Variants in PCDHGB3 observed in about 807,000 individuals in gnomAD.
PCDHGB3 encodes protocadherin gamma-B3.
Under a neutral mutation model 59.2 loss-of-function variants are expected in PCDHGB3, and 40 were observed. The observed-to-expected ratio is 0.68, with a 90% CI of 0.52 to 0.88. The LOEUF (loss-of-function observed/expected upper bound fraction) is 0.88. Among genes scored for constraint, PCDHGB3 ranks in the 40% least tolerant of loss-of-function variants. PCDHGB3 has a pLI of 0.00. For missense variants in PCDHGB3, 1,309 were observed against 1,187.9 expected (o/e 1.10, Z -1.50); for synonymous variants, 581 against 503.6 (o/e 1.15, Z -2.06).
intron 1 of PCDHGB3, chr5:141,419,684 G>A (rs1286646418): frequency 5.4e-5 from 87 of 1,612,770 alleles, no homozygotes; most frequent in Non-Finnish European, 7.3e-5. Flanking sequence ...CTACCACGTG[G>A]TGCAGGCCAG....
chr5:141,382,744 A>G (rs767790688), intron 1 of PCDHGB3: 6 of 592,898 alleles, frequency 1.0e-5, no homozygotes, highest in Non-Finnish European at 1.7e-5. Context: ...GAAACGACAG[A>G]TTGCGATAAG....
At chr5:141,384,942 C>T (rs769507654) in intron 1 of PCDHGB3, 10 of 1,613,874 alleles carry the variant, frequency 6.2e-6, no homozygotes, top group African/African-American at 2.7e-5. Flanking sequence ...TTGAGCCCTC[C>T]GACGGTCCTT....
At chr5:141,423,702 C>T in intron 1 of PCDHGB3, 4 of 1,340,970 alleles carry the variant, frequency 3.0e-6, no homozygotes, top group South Asian at 1.6e-5. Flanking sequence ...GGTGTCTTGG[C>T]ACAAGTCTTT....
rs183531575 is a variant in PCDHGB3 at position 141,469,308 on chromosome 5, G to A, written c.2416-25499G>A. Among the ~76,000 whole-genome samples the A allele has an allele frequency of 2.5e-3, 379 of 152,184 alleles. 1 individual carries two copies. The highest frequency in any genetic ancestry group is 5.8e-3 in the South Asian group (28 of 4,814). On this transcript the variant is annotated intron_variant, in intron 1 of 3. Transcript: ENST00000576222. ...TAAAACAAAATAGACTGGGCACGAT[G>A]GCTCACGCCTGTAATCCCACCACTT...
intron 1 of PCDHGB3, among the ~76,000 whole-genome samples, chr5:141,475,625 G>C (rs1172186188): frequency 2.0e-5 from 3 of 152,204 alleles, no homozygotes; most frequent in African/African-American, 7.2e-5. Flanking sequence ...GGTTTGGTTC[G>C]ATCCCCTTTC....
At chr5:141,453,544 C>T (rs540372287) in intron 1 of PCDHGB3, among the ~76,000 whole-genome samples, 12 of 152,310 alleles carry the variant, frequency 7.9e-5, no homozygotes, top group African/African-American at 2.9e-4. Flanking sequence ...ATTCACACCA[C>T]ACTCTGTAGA....
In PCDHGB3 at chr5:141,490,084, G is replaced by A. The variant is rs772917260; in HGVS notation, c.2416-4723G>A. The A allele has an allele frequency of 4.3e-6, 7 of 1,614,104 alleles. No individual in the cohort carries two copies. ...CAACGGCCAACTAGACTATTCTTTT[G>A]GAGACCACACATCTGAGGCAGTGCG... On this transcript the variant is annotated intron_variant, in intron 1 of 3. Transcript: ENST00000576222. The surrounding 1 kb of genome is among the most constrained non-coding windows in gnomAD (Gnocchi z 5.4).
intron 1 of PCDHGB3, among the ~76,000 whole-genome samples, chr5:141,460,256 C>T (rs1315761341): frequency 6.6e-6 from 1 of 151,704 alleles, no homozygotes; most frequent in Admixed American, 6.6e-5. Context: ...TTGATAAAGC[C>T]CAATTTATTT....
In PCDHGB3 at chr5:141,511,618, T is replaced by C. The variant is rs1227028784; in HGVS notation, c.*445T>C. 4.3e-6 allele frequency: 1 copy of C among 232,232 alleles called. No homozygotes were observed. Among genetic ancestry groups the C allele is most frequent in the East Asian group, 9.9e-5 (1 of 10,122 alleles). 14.4% of individuals were successfully genotyped at this position (232,232 alleles called of 1,614,324 possible). A position where few individuals can be genotyped will look rare whatever the true frequency, so the allele number is the denominator to read the frequency against. ...AAGTAACCTACAAGCCTCCTAGTTCTGAAAAGTTGGAAGGGCATCATGACC... is the reference window on the plus strand; with the variant it reads ...AAGTAACCTACAAGCCTCCTAGTTCCGAAAAGTTGGAAGGGCATCATGACC... On this transcript the variant is annotated 3_prime_UTR_variant, in exon 4 of 4. Transcript: ENST00000576222.
At chr5:141,509,782 C>A (rs2099878218) in intron 3 of PCDHGB3, among the ~76,000 whole-genome samples, 1 of 152,144 alleles carries the variant, frequency 6.6e-6, no homozygotes, top group Admixed American at 6.5e-5. Context: ...TCCCCGAGAT[C>A]ATCATCTCCT....
At chr5:141,456,404 G>A (rs935040352) in intron 1 of PCDHGB3, among the ~76,000 whole-genome samples, 4 of 152,104 alleles carry the variant, frequency 2.6e-5, no homozygotes, top group Non-Finnish European at 4.4e-5. Flanking sequence ...TTGCTTCTAG[G>A]CGAGAAGAAA....
intron 1 of PCDHGB3, chr5:141,376,296 C>T (rs769852070): frequency 1.2e-6 from 2 of 1,614,184 alleles, no homozygotes; most frequent in Non-Finnish European, 1.7e-6. Flanking sequence ...ATGCCCGGCT[C>T]GCACTTTGTG....
Position 141,485,959 on chromosome 5 carries a change from C to A in PCDHGB3, c.2416-8848C>A, listed in dbSNP as rs758835557. The A allele has an allele frequency of 6.2e-7, 1 of 1,614,160 alleles. No homozygotes were observed. The highest frequency in any genetic ancestry group is 1.3e-5 in the African/African-American group (1 of 75,054). Reference sequence around the variant, plus strand: ...GCGCACCAGCGGGCATGGTGCTCATCCAGCTCAATGCCTCAGACCCGGACC... The same window carrying A: ...GCGCACCAGCGGGCATGGTGCTCATACAGCTCAATGCCTCAGACCCGGACC... On this transcript the variant is annotated intron_variant, in intron 1 of 3. Coordinates refer to ENST00000576222, the MANE Select transcript of PCDHGB3 (RefSeq NM_018924.5). The surrounding 1 kb of genome is among the most constrained non-coding windows in gnomAD (Gnocchi z 5.7).
At chr5:141,414,059 A>C (rs1008514691) in intron 1 of PCDHGB3, 1 of 1,609,440 alleles carries the variant, frequency 6.2e-7, no homozygotes, top group East Asian at 2.2e-5. Flanking sequence ...CAATTGTTGA[A>C]GTTCCAACTA....
At chr5:141,417,626 T>A (rs1156653216) in intron 1 of PCDHGB3, 3 of 689,458 alleles carry the variant, frequency 4.4e-6, no homozygotes, top group Non-Finnish European at 6.8e-6. Context: ...GAGCAAGCGC[T>A]GACGCCGGGG....
At chr5:141,408,513 T>C in intron 1 of PCDHGB3, 2 of 1,614,034 alleles carry the variant, frequency 1.2e-6, no homozygotes, top group East Asian at 4.5e-5. Context: ...AGATGTGAGT[T>C]GCAATTGGAA....
chr5:141,394,529 C>T, intron 1 of PCDHGB3: 2 of 1,614,216 alleles, frequency 1.2e-6, no homozygotes, highest in Non-Finnish European at 8.5e-7. Flanking sequence ...CAGACGGTTC[C>T]ACTGGCGTGG....
chr5:141,385,268 C>A (rs1561607524), intron 1 of PCDHGB3: 3 of 1,613,616 alleles, frequency 1.9e-6, no homozygotes, highest in South Asian at 2.2e-5. Context: ...AAAAATGATT[C>A]TTTGCTAACA....
intron 1 of PCDHGB3, among the ~76,000 whole-genome samples, chr5:141,437,614 A>G (rs113599071): frequency 3.1e-4 from 47 of 152,242 alleles, no homozygotes; most frequent in Non-Finnish European, 5.1e-4. Flanking sequence ...AATCTGCTTT[A>G]TCCCCATATA....
Sources: allele counts gnomAD v4.1 joint callset (sites outside exome capture counted in the v4.1 genomes callset), GRCh38; gene constraint gnomAD v4.1.1; non-coding constraint Gnocchi (gnomAD v3.1); transcripts MANE v1.5; gene names NCBI Gene and HGNC (gene_info 2026-07-23, HGNC 2026-07-21).